Variants in MACROD2 observed in about 807,000 individuals in gnomAD.
The protein encoded by MACROD2 is mono-ADP ribosylhydrolase 2.
MACROD2 carries 36 observed loss-of-function variants against 70.4 expected under a neutral mutation model. The ratio of observed to expected loss-of-function variants is 0.51; its 90% CI spans 0.39 to 0.68. MACROD2 has a LOEUF of 0.68. Ranked by LOEUF, MACROD2 falls within the 30% of genes least tolerant of loss-of-function variation. MACROD2 has a pLI of 0.00. For synonymous variants in MACROD2, 172 were observed against 178.8 expected (o/e 0.96, Z 0.30); for missense variants, 496 against 538.4 (o/e 0.92, Z 0.78).
intron 4 of MACROD2, among the ~76,000 whole-genome samples, chr20:14,674,703 T>G (rs1037904424): frequency 3.9e-4 from 60 of 152,184 alleles, no homozygotes; most frequent in Admixed American, 1.3e-4. Flanking sequence ...TGTGACATTA[T>G]TATTGTTGTT....
At chr20:14,540,965 C>T (rs570190728) in intron 4 of MACROD2, among the ~76,000 whole-genome samples, 3 of 152,200 alleles carry the variant, frequency 2.0e-5, no homozygotes, top group Non-Finnish European at 2.9e-5. Flanking sequence ...CCCCATCTTA[C>T]TTCACCTGGC....
intron 6 of MACROD2, among the ~76,000 whole-genome samples, chr20:15,387,505 TC>T (rs533076746): frequency 4.6e-5 from 7 of 151,482 alleles, no homozygotes; most frequent in East Asian, 3.9e-4. Flanking sequence ...CCATTCCTTT[TC>T]CCCCCTTCCC....
At chr20:14,193,160 G>C (rs866645336) in intron 3 of MACROD2, among the ~76,000 whole-genome samples, 1 of 152,120 alleles carries the variant, frequency 6.6e-6, no homozygotes, top group African/African-American at 2.4e-5. Context: ...CAGTCTAATT[G>C]AACCATCTTA....
chr20:15,212,170 CA>C (rs1298110551), intron 5 of MACROD2, among the ~76,000 whole-genome samples: 2 of 152,158 alleles, frequency 1.3e-5, no homozygotes, highest in African/African-American at 4.8e-5. Flanking sequence ...AACCATTTCT[CA>C]AACCCTTCTT....
At chr20:14,761,695 T>C (rs1313445038) in intron 5 of MACROD2, among the ~76,000 whole-genome samples, 5 of 152,092 alleles carry the variant, frequency 3.3e-5, no homozygotes, top group African/African-American at 1.2e-4. Context: ...GACTGCTTTT[T>C]TAAGGCCACC....
intron 8 of MACROD2, among the ~76,000 whole-genome samples, chr20:15,854,510 A>G (rs2064336172): frequency 6.6e-6 from 1 of 152,204 alleles, no homozygotes. Flanking sequence ...CTTTGATTGC[A>G]GCTTTTGAGA....
At chr20:15,680,379 T>C (rs181882268) in intron 8 of MACROD2, among the ~76,000 whole-genome samples, 1 of 152,320 alleles carries the variant, frequency 6.6e-6, no homozygotes, top group East Asian at 1.9e-4. Flanking sequence ...TGCTGCTTCC[T>C]TCTCCTCTCA....
chr20:14,464,938 G>A (rs1336067620), intron 3 of MACROD2, among the ~76,000 whole-genome samples: 1 of 152,100 alleles, frequency 6.6e-6, no homozygotes, highest in African/African-American at 2.4e-5. Context: ...ATTTGCTGAG[G>A]AGAGCTTTAC....
At chr20:14,514,811 A>G (rs998996372) in intron 4 of MACROD2, among the ~76,000 whole-genome samples, 3 of 152,134 alleles carry the variant, frequency 2.0e-5, no homozygotes, top group African/African-American at 7.2e-5. Flanking sequence ...CTTAGTGACT[A>G]TAAAACAGAG....
intron 4 of MACROD2, among the ~76,000 whole-genome samples, chr20:14,518,881 G>T (rs1242820636): frequency 6.6e-6 from 1 of 152,052 alleles, no homozygotes; most frequent in Non-Finnish European, 1.5e-5. Context: ...AAGGCTTTTT[G>T]AAAAATCACA....
intron 3 of MACROD2, among the ~76,000 whole-genome samples, chr20:14,216,356 T>C (rs1247817940): frequency 1.3e-5 from 2 of 152,164 alleles, no homozygotes; most frequent in Non-Finnish European, 1.5e-5. Flanking sequence ...TTCTGTTTCA[T>C]TGGTCTATGT....
At chr20:14,826,148 A>C (rs1206730268) in intron 5 of MACROD2, among the ~76,000 whole-genome samples, 2 of 152,046 alleles carry the variant, frequency 1.3e-5, no homozygotes, top group African/African-American at 2.4e-5. Context: ...AATTCATTGA[A>C]TATATCACTC....
chr20:15,313,322 C>T (rs1049175006), intron 6 of MACROD2, among the ~76,000 whole-genome samples: 6 of 151,722 alleles, frequency 4.0e-5, no homozygotes, highest in African/African-American at 1.5e-4. Flanking sequence ...CTGGCTAACA[C>T]GATGAAATCC....
chr20:14,765,693 T>A (rs1183254839), intron 5 of MACROD2, among the ~76,000 whole-genome samples: 1 of 152,062 alleles, frequency 6.6e-6, no homozygotes, highest in African/African-American at 2.4e-5. Flanking sequence ...CTTAGAAACC[T>A]GTATTTAAAT....
At chr20:15,524,495 A>G (rs1159052833) in intron 8 of MACROD2, among the ~76,000 whole-genome samples, 1 of 152,306 alleles carries the variant, frequency 6.6e-6, no homozygotes, top group South Asian at 2.1e-4. Flanking sequence ...TTTAAACAGT[A>G]CAAACTAACC....
chr20:14,142,626 C>T (rs1481357220), intron 3 of MACROD2, among the ~76,000 whole-genome samples: 1 of 152,138 alleles, frequency 6.6e-6, no homozygotes, highest in Admixed American at 6.5e-5. Context: ...AAATTGATTG[C>T]TTTAAAAAAT....
At chr20:14,153,292 T>C (rs1361960907) in intron 3 of MACROD2, among the ~76,000 whole-genome samples, 5 of 152,188 alleles carry the variant, frequency 3.3e-5, no homozygotes, top group South Asian at 2.1e-4. Context: ...GGAGTATATA[T>C]AGAGAAAAAT....
chr20:14,370,472 A>G (rs1292169611), intron 3 of MACROD2, among the ~76,000 whole-genome samples: 4 of 152,136 alleles, frequency 2.6e-5, no homozygotes, highest in South Asian at 4.1e-4. Flanking sequence ...TTGTTTTAAG[A>G]GAAGAAAAAA....
At chr20:14,624,095 T>G (rs1279044753) in intron 4 of MACROD2, among the ~76,000 whole-genome samples, 1 of 152,198 alleles carries the variant, frequency 6.6e-6, no homozygotes, top group Non-Finnish European at 1.5e-5. Flanking sequence ...TTTATCAGAC[T>G]TATCTGCAGT....
Sources: gnomAD v4.1 joint callset for allele counts (sites outside exome capture counted in the v4.1 genomes callset) on GRCh38, gnomAD v4.1.1 for gene constraint, MANE v1.5 for transcripts, NCBI Gene and HGNC (gene_info 2026-07-23, HGNC 2026-07-21) for gene names.